The following MAGI1 variants were observed in gnomAD, a reference collection of about 807,000 sequenced individuals.
MAGI1 encodes membrane associated guanylate kinase, WW and PDZ domain containing 1.
In MAGI1, 58 loss-of-function variants were observed where a neutral mutation model predicts 139.9. That is an observed-to-expected ratio of 0.41 (90% CI 0.34 to 0.52). The LOEUF (loss-of-function observed/expected upper bound fraction) is 0.52, where lower values mean the gene tolerates loss of function less well. Among genes scored for constraint, MAGI1 ranks in the 20% least tolerant of loss-of-function variants. The pLI is 0.12. For missense variants in MAGI1, 1,874 were observed against 1,901.6 expected (o/e 0.99, Z 0.27); for synonymous variants, 812 against 737.9 (o/e 1.10, Z -1.63).
intron 2 of MAGI1, among the ~76,000 whole-genome samples, chr3:65,582,613 G>A (rs926622696): frequency 2.0e-5 from 3 of 151,942 alleles, no homozygotes; most frequent in African/African-American, 4.8e-5. Context: ...AAGACTTACT[G>A]TTGAAAGCAA....
At chr3:65,591,730 T>A (rs1372227066) in intron 2 of MAGI1, among the ~76,000 whole-genome samples, 1 of 152,228 alleles carries the variant, frequency 6.6e-6, no homozygotes, top group Non-Finnish European at 1.5e-5. Flanking sequence ...TCACTCTATT[T>A]CTGCCACTCC....
intron 1 of MAGI1, among the ~76,000 whole-genome samples, chr3:65,883,223 G>A (rs1162287668): frequency 6.6e-6 from 1 of 152,006 alleles, no homozygotes; most frequent in Non-Finnish European, 1.5e-5. Flanking sequence ...TTAGCAAATG[G>A]CATAAAAAAG....
chr3:65,478,529 T>C lies in MAGI1; in HGVS notation c.757+63A>G, dbSNP rs1033855680. On this transcript the variant is annotated intron_variant, in intron 4 of 22. Transcript: ENST00000402939. ...GAACAGCATCCTTTTCAAAACTCTA[T>C]GCAAAAGCCTCCTCGTCATCCCTTC... is the stretch of plus-strand genomic sequence containing the variant. The C allele has an allele frequency of 2.0e-6, 3 of 1,504,388 alleles. No homozygotes were observed. In the African/African-American group the frequency reaches 4.1e-5, roughly 21 times the overall value. 93.2% of individuals were successfully genotyped at this position (1,504,388 alleles called of 1,614,324 possible).
chr3:65,769,012 T>C (rs141100423), intron 1 of MAGI1, among the ~76,000 whole-genome samples: 40 of 152,242 alleles, frequency 2.6e-4, no homozygotes, highest in African/African-American at 8.9e-4. Flanking sequence ...AAAGAGCCTC[T>C]TGGTAACTTA....
chr3:65,554,565 A>C (rs2079998325), intron 2 of MAGI1, among the ~76,000 whole-genome samples: 2 of 152,178 alleles, frequency 1.3e-5, no homozygotes. Flanking sequence ...TACACATGCA[A>C]AGAAGAAGCA....
chr3:65,935,609 G>T (rs992754920), intron 1 of MAGI1, among the ~76,000 whole-genome samples: 1 of 146,720 alleles, frequency 6.8e-6, no homozygotes, highest in Non-Finnish European at 1.5e-5. Context: ...GCAATAGAGC[G>T]CAATTCTGTC....
intron 1 of MAGI1, among the ~76,000 whole-genome samples, chr3:65,726,905 A>G (rs6445499): frequency 0.34 from 50,370 of 149,818 alleles, 9,577 homozygotes; most frequent in African/African-American, 0.49. Context: ...ATGGATAAAC[A>G]GGTTGAGTAT....
intron 2 of MAGI1, among the ~76,000 whole-genome samples, chr3:65,601,165 T>G (rs967187069): frequency 7.2e-5 from 11 of 152,216 alleles, no homozygotes; most frequent in Non-Finnish European, 1.6e-4. Context: ...GCATATGTTT[T>G]TCCACAAATA....
At position 65,969,592 on chromosome 3, in the gene MAGI1, C is replaced by T. The variant is rs548047302; in HGVS notation, c.313+68404G>A. Among the ~76,000 whole-genome samples the T allele has an allele frequency of 7.2e-5, 11 of 152,276 alleles. No homozygotes were observed. The East Asian group carries it at 1.4e-3, about 19-fold the overall frequency. Reference sequence around the variant, plus strand: ...CAAATGTGGCTGAATAACTAGAGCACGCTTGCACTCACAAGGTGACCCCTT... The same window carrying T: ...CAAATGTGGCTGAATAACTAGAGCATGCTTGCACTCACAAGGTGACCCCTT... On this transcript the variant is annotated intron_variant, in intron 1 of 22. Transcript: ENST00000402939.
intron 1 of MAGI1, among the ~76,000 whole-genome samples, chr3:65,935,225 C>A (rs749463411): frequency 3.9e-5 from 6 of 151,908 alleles, no homozygotes; most frequent in South Asian, 2.1e-4. Flanking sequence ...TGTTTTCAGG[C>A]CAAAAGCTGG....
Position 65,853,327 on chromosome 3 carries a change from T to G in MAGI1, c.313+184669A>C, listed in dbSNP as rs377119702. 5.3e-5 allele frequency among the ~76,000 whole-genome samples: 8 copies of G among 152,354 alleles called. No homozygotes were observed. The East Asian group carries it at 1.4e-3, about 26-fold the overall frequency. ...TCAACTGAAACCATAAACATCACCT[T>G]GCTTGTGTGATATAAATAGTTCTAT... On this transcript the variant is annotated intron_variant, in intron 1 of 22. Coordinates refer to ENST00000402939, the MANE Select transcript of MAGI1 (RefSeq NM_001033057.2).
At chr3:65,423,838 G>A (rs1450558347) in intron 12 of MAGI1, among the ~76,000 whole-genome samples, 1 of 152,190 alleles carries the variant, frequency 6.6e-6, no homozygotes, top group African/African-American at 2.4e-5. Context: ...CTGGCACACT[G>A]TAGAAGCATT....
intron 1 of MAGI1, among the ~76,000 whole-genome samples, chr3:65,871,309 G>A (rs1182522770): frequency 2.0e-5 from 3 of 152,140 alleles, no homozygotes; most frequent in African/African-American, 7.2e-5. Flanking sequence ...AGGTGGGAGT[G>A]AGGGAGAGTT....
chr3:65,543,450 A>G (rs1041145766), intron 2 of MAGI1, among the ~76,000 whole-genome samples: 8 of 152,224 alleles, frequency 5.3e-5, no homozygotes, highest in Non-Finnish European at 1.5e-5. Context: ...ACACAGGCTC[A>G]CGTATATTTA....
rs189374418 is a variant in MAGI1 at position 65,560,059 on chromosome 3, A to G, written c.430+61913T>C. 2.7e-3 allele frequency among the ~76,000 whole-genome samples: 417 copies of G among 152,270 alleles called. 1 individual carries two copies. The highest frequency in any genetic ancestry group is 3.6e-3 in the Non-Finnish European group (245 of 68,010). The stretch of plus-strand genomic sequence containing the variant: ...TCGAAAAACAAACAAATGAAAACAC[A>G]CATCTGACTTCAAAGCTTGTCTGTT... On this transcript the variant is annotated intron_variant, in intron 2 of 22. Coordinates refer to ENST00000402939, the MANE Select transcript of MAGI1 (RefSeq NM_001033057.2).
At chr3:65,965,649 C>T (rs1249951260) in intron 1 of MAGI1, among the ~76,000 whole-genome samples, 1 of 151,724 alleles carries the variant, frequency 6.6e-6, no homozygotes, top group East Asian at 1.9e-4. Context: ...TCTGAGGACT[C>T]TGTTTCACCC....
rs574465596 is a variant in MAGI1, at chr3:66,034,571, C to A, written c.313+3425G>T. On this transcript the variant is annotated intron_variant, in intron 1 of 22. Coordinates refer to ENST00000402939, the MANE Select transcript of MAGI1 (RefSeq NM_001033057.2). ...CATTTTTCCGAAGCATATACTAGGACGGCTAAAATTCAAAAGACAAACAAA... is the reference window on the plus strand; with the variant it reads ...CATTTTTCCGAAGCATATACTAGGAAGGCTAAAATTCAAAAGACAAACAAA... Among the ~76,000 whole-genome samples the A allele has an allele frequency of 4.6e-5, 7 of 152,192 alleles. No individual in the cohort carries two copies. The South Asian group carries it at 1.2e-3, about 27-fold the overall frequency.
Position 65,354,418 on chromosome 3 carries a change from CT to C in MAGI1, c.*1959del. ...GTATAAACCCATAAGTCAAATAAAG[CT>C]ATGAACAATGTAATATTTATATATG... On this transcript the variant is annotated 3_prime_UTR_variant, in exon 23 of 23. Transcript: ENST00000402939. The C allele has an allele frequency of 6.6e-6, 1 of 152,670 alleles. No individual in the cohort carries two copies. The allele number at this position is 152,670 out of a possible 1,614,324, so 9.5% of individuals were successfully genotyped here.
At chr3:65,587,228 C>A (rs2081726642) in intron 2 of MAGI1, among the ~76,000 whole-genome samples, 1 of 152,278 alleles carries the variant, frequency 6.6e-6, no homozygotes, top group African/African-American at 2.4e-5. Context: ...TGGGAACACA[C>A]CTAACCTACT....
Sources: gnomAD v4.1 joint callset for allele counts (sites outside exome capture counted in the v4.1 genomes callset) on GRCh38, gnomAD v4.1.1 for gene constraint, MANE v1.5 for transcripts, NCBI Gene and HGNC (gene_info 2026-07-23, HGNC 2026-07-21) for gene names.